The following ACTR3 variants were observed in gnomAD, a reference collection of about 807,000 sequenced individuals.
ACTR3 encodes actin related protein 3, also known as actin-related protein 3.
A neutral mutation model predicts 56.8 loss-of-function variants in ACTR3; 12 were observed. The observed-to-expected ratio is 0.21, with a 90% CI of 0.14 to 0.34. The LOEUF is 0.34. ACTR3 is among the 10% of genes least tolerant of loss of function. The pLI, the probability that ACTR3 is intolerant of heterozygous loss-of-function variation, is 1.00. For missense variants in ACTR3, 282 were observed against 512.5 expected (o/e 0.55, Z 4.34); for synonymous variants, 162 against 167.4 (o/e 0.97, Z 0.25).
At chr2:113,956,670 C>A (rs908862181) in intron 11 of ACTR3, among the ~76,000 whole-genome samples, 1 of 152,096 alleles carries the variant, frequency 6.6e-6, no homozygotes, top group Non-Finnish European at 1.5e-5. Flanking sequence ...ATACCATTAA[C>A]CTAGGAAGTA....
chr2:113,939,935 T>A, intron 6 of ACTR3, 24 bp from the exon 7 acceptor site: 1 of 1,555,574 alleles, frequency 6.4e-7, no homozygotes, highest in South Asian at 1.2e-5. Context: ...AAAGTAAATT[T>A]GGTATCTTTT....
intron 3 of ACTR3, 126 bp from the exon 4 acceptor site, chr2:113,927,219 A>G (rs1006443062): frequency 7.6e-6 from 4 of 524,182 alleles, no homozygotes; most frequent in East Asian, 3.1e-5. Context: ...GATGTTCTAT[A>G]GTATCACACC....
At chr2:113,926,437 T>C (rs1299909337) in intron 3 of ACTR3, among the ~76,000 whole-genome samples, 1 of 152,230 alleles carries the variant, frequency 6.6e-6, no homozygotes, top group Non-Finnish European at 1.5e-5. Context: ...GTTCATTTTC[T>C]GTTGCTATAA....
At position 113,955,611 on chromosome 2, in the gene ACTR3, G is replaced by A. The variant is rs62169933; in HGVS notation, c.1078-12G>A. Reference sequence around the variant, plus strand: ...TTTACTATGAAGATGATCATACTATGTCTTTCTTTAGCCAAAACCTATTGA... The same window carrying A: ...TTTACTATGAAGATGATCATACTATATCTTTCTTTAGCCAAAACCTATTGA... On this transcript the variant is annotated splice_polypyrimidine_tract_variant and intron_variant, in intron 10 of 11. Coordinates refer to ENST00000263238, the MANE Select transcript of ACTR3 (RefSeq NM_005721.5). The A allele has an allele frequency of 0.068, 107,931 of 1,591,420 alleles. 3,998 individuals carry two copies. The highest frequency in any genetic ancestry group is 0.1 in the African/African-American group (7,688 of 74,298).
intron 1 of ACTR3, among the ~76,000 whole-genome samples, chr2:113,907,532 C>T (rs373986441): frequency 5.9e-5 from 9 of 152,110 alleles, no homozygotes; most frequent in African/African-American, 1.9e-4. Flanking sequence ...GGACTACAGG[C>T]GTGAGCCGTC....
rs1041149239 is a variant in ACTR3 at position 113,959,421 on chromosome 2, T to C, written c.*1966T>C. On this transcript the variant is annotated 3_prime_UTR_variant, in exon 12 of 12. Transcript: ENST00000263238. Reference sequence around the variant, plus strand: ...GTCTTTTCCACCGGCGATGGTTGGGTAGTTAAGTGAATAAGCTAGAAAGAC... The same window carrying C: ...GTCTTTTCCACCGGCGATGGTTGGGCAGTTAAGTGAATAAGCTAGAAAGAC... 4.6e-5 allele frequency: 7 copies of C among 152,034 alleles called. No homozygotes were observed. Among genetic ancestry groups the C allele is most frequent in the African/African-American group, 1.4e-4 (6 of 41,428 alleles). 9.4% of individuals were successfully genotyped at this position (152,034 alleles called of 1,614,324 possible). A position where few individuals can be genotyped will look rare whatever the true frequency, so the allele number is the denominator to read the frequency against.
At chr2:113,890,599 C>T in intron 1 of ACTR3, 2 of 1,327,520 alleles carry the variant, frequency 1.5e-6, no homozygotes, top group Non-Finnish European at 9.6e-7. Flanking sequence ...CCTTCCCCCA[C>T]TACGGTGGGC....
intron 3 of ACTR3, 143 bp downstream of exon 3, chr2:113,917,151 C>T (rs1341394901): frequency 3.4e-5 from 22 of 645,736 alleles, no homozygotes; most frequent in Non-Finnish European, 5.0e-5. Context: ...CCTATGGCAT[C>T]CTTCCCTGTT....
intron 4 of ACTR3, 33 bp from the exon 5 acceptor site, chr2:113,931,268 A>G (rs1370107950): frequency 7.9e-7 from 1 of 1,262,088 alleles, no homozygotes; most frequent in Non-Finnish European, 1.1e-6. Context: ...ATAATCTGAT[A>G]TTATCTATTT....
chr2:113,901,522 A>C (rs1205653179), intron 1 of ACTR3, among the ~76,000 whole-genome samples: 1 of 152,216 alleles, frequency 6.6e-6, no homozygotes, highest in Non-Finnish European at 1.5e-5. Flanking sequence ...ATCTTACATA[A>C]AATTATATAA....
chr2:113,895,184 G>A (rs781585352), intron 1 of ACTR3, among the ~76,000 whole-genome samples: 29 of 150,956 alleles, frequency 1.9e-4, no homozygotes, highest in Admixed American at 1.0e-3. Context: ...ATAATAGCTA[G>A]CATTTATCGA....
chr2:113,928,026 A>T (rs1371877901), intron 4 of ACTR3, among the ~76,000 whole-genome samples: 3 of 150,330 alleles, frequency 2.0e-5, no homozygotes, highest in Non-Finnish European at 4.4e-5. Flanking sequence ...TTTATTTAAC[A>T]TTTTTTTTTT....
rs559706855 is a variant in ACTR3, at chr2:113,946,893, C to T, written c.858+4534C>T. 2.6e-5 allele frequency among the ~76,000 whole-genome samples: 4 copies of T among 152,308 alleles called. No homozygotes were observed. In the East Asian group the frequency reaches 7.7e-4, roughly 29 times the overall value. ...GAAGGGAACCGAGGAGGGTGGGTCT[C>T]ATTCTATATAGAGGATTTTAACAGT... is the stretch of plus-strand genomic sequence containing the variant. On this transcript the variant is annotated intron_variant, in intron 8 of 11. Transcript: ENST00000263238.
chr2:113,956,817 G>C (rs955981914), intron 11 of ACTR3, among the ~76,000 whole-genome samples: 1 of 152,094 alleles, frequency 6.6e-6, no homozygotes, highest in Admixed American at 6.5e-5. Context: ...CTCAATTTTA[G>C]TCTTCTTCAA....
At chr2:113,934,475 C>T in intron 6 of ACTR3, 89 bp downstream of exon 6, 1 of 851,444 alleles carries the variant, frequency 1.2e-6, no homozygotes, top group Non-Finnish European at 1.8e-6. Context: ...TTTTAAAAAA[C>T]TTTAAATGCT....
intron 8 of ACTR3, among the ~76,000 whole-genome samples, chr2:113,945,674 A>G (rs1210848875): frequency 6.6e-6 from 1 of 151,910 alleles, no homozygotes; most frequent in Non-Finnish European, 1.5e-5. Context: ...GTTCAGGGGT[A>G]CATGTACAGG....
intron 6 of ACTR3, among the ~76,000 whole-genome samples, chr2:113,936,649 T>C (rs1218593081): frequency 6.6e-6 from 1 of 152,326 alleles, no homozygotes; most frequent in Admixed American, 6.5e-5. Flanking sequence ...TTAACTTGTT[T>C]CATTTTGAGT....
At position 113,961,838 on chromosome 2, in the gene ACTR3, A is replaced by C. The variant is rs1242251009; in HGVS notation, c.*4383A>C. The C allele has an allele frequency of 6.6e-6, 1 of 152,006 alleles. No homozygotes were observed. Among genetic ancestry groups the C allele is most frequent in the East Asian group, 1.9e-4 (1 of 5,198 alleles). 9.4% of individuals were successfully genotyped at this position (152,006 alleles called of 1,614,324 possible). A position where few individuals can be genotyped will look rare whatever the true frequency, so the allele number is the denominator to read the frequency against. On this transcript the variant is annotated 3_prime_UTR_variant, in exon 12 of 12. Coordinates refer to ENST00000263238, the MANE Select transcript of ACTR3 (RefSeq NM_005721.5). ...GTTGTTTAGAGGGAGAAGTCCAGCT[A>C]TGTAAGGTGAAAGTGGGGCTTATAA...
chr2:113,907,226 A>G (rs1311126585), intron 1 of ACTR3, among the ~76,000 whole-genome samples: 1 of 152,172 alleles, frequency 6.6e-6, no homozygotes, highest in Non-Finnish European at 1.5e-5. Context: ...AGAGCAGGGG[A>G]GAAGGTGCTT....
Sources: allele counts gnomAD v4.1 joint callset (sites outside exome capture counted in the v4.1 genomes callset), GRCh38; gene constraint gnomAD v4.1.1; transcripts MANE v1.5; gene names NCBI Gene and HGNC (gene_info 2026-07-23, HGNC 2026-07-21).